The following PPM1J variants were observed in gnomAD, a reference collection of about 807,000 sequenced individuals.
The protein encoded by PPM1J is protein phosphatase, Mg2+/Mn2+ dependent 1J.
PPM1J carries 43 observed loss-of-function variants against 53.3 expected under a neutral mutation model. The observed-to-expected ratio is 0.81, with a 90% CI of 0.63 to 1.04. The LOEUF is 1.04. Ranked by LOEUF, PPM1J falls within the 50% of genes least tolerant of loss-of-function variation. PPM1J has a pLI of 0.00. For missense variants in PPM1J, 635 were observed against 685.9 expected (o/e 0.93, Z 0.83); for synonymous variants, 267 against 286.4 (o/e 0.93, Z 0.68).
chr1:112,712,495 G>A (rs758131268), intron 3 of PPM1J, 38 bp from the exon 4 acceptor site: 4 of 1,571,044 alleles, frequency 2.5e-6, no homozygotes, highest in Non-Finnish European at 3.5e-6. Flanking sequence ...GGTAGAAGGA[G>A]AGGTTCCAGC....
At chr1:112,714,344 C>T (rs919489399) in intron 1 of PPM1J, 36 of 985,414 alleles carry the variant, frequency 3.7e-5, no homozygotes, top group Non-Finnish European at 4.1e-5. Context: ...GGGGGCCAGC[C>T]GGCCGCTCCG....
chr1:112,710,926 T>C (rs1675041127), intron 7 of PPM1J, 75 bp from the exon 8 acceptor site: 2 of 1,583,828 alleles, frequency 1.3e-6, no homozygotes, highest in Middle Eastern at 1.7e-4. Flanking sequence ...CTTCCACCCC[T>C]ACCCTCAGGT....
chr1:112,710,530 T>G lies in PPM1J; in HGVS notation c.1300A>C (p.Thr434Pro). 3 of 1,614,120 alleles carry G rather than the reference T, an allele frequency of 1.9e-6. No individual in the cohort carries two copies. The highest frequency in any genetic ancestry group is 2.2e-5 in the South Asian group (2 of 91,074). Residue 434 changes from threonine (T) to proline (P), a missense_variant, in exon 9 of 10, where the codon ACT (threonine) becomes CCT (proline). Thr to Pro is a conservative substitution (Grantham distance 38). Transcript: ENST00000309276. The part of the protein sequence containing the change: ...VLGTDGLWDV[T>P]TDCEVAATVD... ...GTGGCAGCTACCTCACAGTCAGTAGTGACATCCCACAGGCCATCTGTTCCC... is the reference window on the plus strand; with the variant it reads ...GTGGCAGCTACCTCACAGTCAGTAGGGACATCCCACAGGCCATCTGTTCCC...
chr1:112,715,128 C>A lies in PPM1J; in HGVS notation c.174G>T (p.Ala58=), dbSNP rs765477645. The A allele has an allele frequency of 1.3e-6, 2 of 1,551,496 alleles. No homozygotes were observed. The highest frequency in any genetic ancestry group is 1.9e-5 in the Admixed American group (1 of 53,858). ...AKAGSGSATP[A]KAVEARASFS... ...AGCTCGCTCGAGCCTCAACAGCCTTCGCGGGCGTCGCGCTCCCGCTCCCAG... is the reference window on the plus strand; with the variant it reads ...AGCTCGCTCGAGCCTCAACAGCCTTAGCGGGCGTCGCGCTCCCGCTCCCAG... Residue 58 remains alanine (A), a synonymous_variant, in exon 1 of 10, where the codon GCG becomes GCT. Transcript: ENST00000309276. The surrounding 1 kb of genome is among the most constrained non-coding windows in gnomAD (Gnocchi z 4.4).
rs763653960 is a variant in PPM1J, at chr1:112,711,945, G to A, written c.927+26C>T. 7.8e-6 allele frequency: 12 copies of A among 1,545,750 alleles called. No individual in the cohort carries two copies. The South Asian group carries it at 1.4e-4, about 18-fold the overall frequency. ...AGGCACAAGACCCGACAAAGAATGG[G>A]GGTAGGGAATTTGGTTCCTACTTAC... On this transcript the variant is annotated intron_variant, in intron 5 of 9. Transcript: ENST00000309276.
chr1:112,712,108 T>A, intron 4 of PPM1J, 53 bp from the exon 5 acceptor site: 2 of 1,454,848 alleles, frequency 1.4e-6, no homozygotes, highest in South Asian at 2.5e-5. Flanking sequence ...GACCCACTCA[T>A]GAAAAATTCC....
Position 112,715,305 on chromosome 1 carries a change from G to A in PPM1J, c.-4C>T. 1 of 1,279,744 alleles carries A rather than the reference G, an allele frequency of 7.8e-7. No individual in the cohort carries two copies. The highest frequency in any genetic ancestry group is 9.9e-7 in the Non-Finnish European group (1 of 1,014,606). 79.3% of individuals were successfully genotyped at this position (1,279,744 alleles called of 1,614,324 possible). ...CCGAGCGCACCCGGTTTAGCATGCT[G>A]CCTCCCTGCCCCGCCCTCGGCCGCG... On this transcript the variant is annotated 5_prime_UTR_variant, in exon 1 of 10. Coordinates refer to ENST00000309276, the MANE Select transcript of PPM1J (RefSeq NM_005167.7). This position sits in a 1 kb window ranked among gnomAD's most constrained non-coding sequence, Gnocchi z 4.4.
In PPM1J at chr1:112,710,320, G is replaced by A; in HGVS notation, c.1371-10C>T. The A allele has an allele frequency of 6.2e-7, 1 of 1,612,972 alleles. No individual in the cohort carries two copies. Among genetic ancestry groups the A allele is most frequent in the Non-Finnish European group, 8.5e-7 (1 of 1,179,638 alleles). On this transcript the variant is annotated splice_polypyrimidine_tract_variant and intron_variant, in intron 9 of 9. Coordinates refer to ENST00000309276, the MANE Select transcript of PPM1J (RefSeq NM_005167.7). ...GGCCAGAGCTGTATACCTGCCAGGAGCACACATGCACATTCATGTACCAAC... is the reference window on the plus strand; with the variant it reads ...GGCCAGAGCTGTATACCTGCCAGGAACACACATGCACATTCATGTACCAAC...
intron 1 of PPM1J, chr1:112,714,595 A>C (rs979649254): frequency 1.9e-6 from 2 of 1,033,704 alleles, no homozygotes; most frequent in Non-Finnish European, 2.3e-6. Context: ...TATGTCCCCT[A>C]TTAAAAAGAA....
At chr1:112,712,710 C>G in intron 3 of PPM1J, 34 bp downstream of exon 3, 1 of 1,576,848 alleles carries the variant, frequency 6.3e-7, no homozygotes, top group South Asian at 1.2e-5. Context: ...AGAGTGGTTG[C>G]CTAGCAGGCT....
At chr1:112,714,147 G>C in intron 1 of PPM1J, 2 of 998,514 alleles carry the variant, frequency 2.0e-6, no homozygotes, top group Non-Finnish European at 2.4e-6. Flanking sequence ...AACTGAAATA[G>C]AGTAGAAGTG....
In PPM1J at chr1:112,713,409, T is replaced by C. The variant is rs1570843164; in HGVS notation, c.441+88A>G. 9.0e-6 allele frequency: 8 copies of C among 887,954 alleles called. No homozygotes were observed. The South Asian group carries it at 1.1e-4, about 12-fold the overall frequency. The allele number at this position is 887,954 out of a possible 1,614,324, so 55.0% of individuals were successfully genotyped here. A position where few individuals can be genotyped will look rare whatever the true frequency, so the allele number is the denominator to read the frequency against. On this transcript the variant is annotated intron_variant, in intron 2 of 9. Coordinates refer to ENST00000309276, the MANE Select transcript of PPM1J (RefSeq NM_005167.7). ...GTAGATAGCCAGTGAGTTCATCAGG[T>C]CTTCCGCATGGCTCAGATTTAAAAC...
rs778646001 is a variant in PPM1J, at chr1:112,710,503, C to T, written c.1327G>A (p.Val443Met). 1 of 1,614,148 alleles carries T rather than the reference C, an allele frequency of 6.2e-7. No homozygotes were observed. Among genetic ancestry groups the T allele is most frequent in the Non-Finnish European group, 8.5e-7 (1 of 1,179,994 alleles). ...TCATAGGCCGACAGCACCCTGTCCA[C>T]AGTGGCAGCTACCTCACAGTCAGTA... ...VTTDCEVAAT[V>M]DRVLSAYEPN... Residue 443 changes from valine (V) to methionine (M), a missense_variant, in exon 9 of 10, where the codon GTG becomes ATG. Physicochemically the swap from Val to Met is conservative, Grantham distance 21. Transcript: ENST00000309276.
chr1:112,714,818 G>A, intron 1 of PPM1J, 158 bp downstream of exon 1: 1 of 1,280,602 alleles, frequency 7.8e-7, no homozygotes. Flanking sequence ...GGGTTGGGAG[G>A]GGGTGCGGCC....
At chr1:112,711,116 C>T (rs753243530) in intron 6 of PPM1J, 45 bp from the exon 7 acceptor site, 1 of 1,577,814 alleles carries the variant, frequency 6.3e-7, no homozygotes, top group South Asian at 1.1e-5. Context: ...GCATCAAAGC[C>T]CCTCTCCCCT....
chr1:112,715,206 G>T lies in PPM1J; in HGVS notation c.96C>A (p.Ala32=). 1 of 1,447,396 alleles carries T rather than the reference G, an allele frequency of 6.9e-7. No homozygotes were observed. Among genetic ancestry groups the T allele is most frequent in the Non-Finnish European group, 9.0e-7 (1 of 1,112,954 alleles). The allele number at this position is 1,447,396 out of a possible 1,614,324, so 89.7% of individuals were successfully genotyped here. Residue 32 remains alanine, a synonymous_variant, in exon 1 of 10, where the codon GCC becomes GCA. Coordinates refer to ENST00000309276, the MANE Select transcript of PPM1J (RefSeq NM_005167.7). This position sits in a 1 kb window ranked among gnomAD's most constrained non-coding sequence, Gnocchi z 4.4. The part of the protein sequence containing the change: ...RPKSPDLPNA[A]SAPPAAAPEA... ...CTGGAGCGGCGGCGGGCGGCGCCGA[G>T]GCGGCGTTGGGCAGGTCCGGGGATT...
rs765169509 is a variant in PPM1J at position 112,710,836 on chromosome 1, T to C, written c.1126A>G (p.Thr376Ala). The change falls in exon 8 of 10, where the codon ACC becomes GCC. Residue 376 changes from threonine to alanine, a missense_variant. Coordinates refer to ENST00000309276, the MANE Select transcript of PPM1J (RefSeq NM_005167.7). The part of the protein sequence containing the change: ...GEGKKARVMA[T>A]IGVTRGLGDH... ...CCCAAGCCTCGGGTCACCCCAATGG[T>C]GGCCATCACCCGAGCCTGAAAGAAA... is the stretch of plus-strand genomic sequence containing the variant. 3 of 1,613,744 alleles carry C rather than the reference T, an allele frequency of 1.9e-6. No individual in the cohort carries two copies. In the East Asian group the frequency reaches 6.7e-5, roughly 36 times the overall value.
intron 1 of PPM1J, chr1:112,714,508 G>A: frequency 3.0e-6 from 3 of 988,910 alleles, no homozygotes; most frequent in Non-Finnish European, 3.6e-6. Context: ...TGTGGAGGGG[G>A]AGGGGAACTA....
At position 112,715,223 on chromosome 1, in the gene PPM1J, C is replaced by T. The variant is rs765446734; in HGVS notation, c.79G>A (p.Asp27Asn). Residue 27 changes from aspartate to asparagine, a missense_variant, in exon 1 of 10, where the codon GAC becomes AAC. Transcript: ENST00000309276. The surrounding 1 kb of genome is among the most constrained non-coding windows in gnomAD (Gnocchi z 4.4). The stretch of plus-strand genomic sequence containing the variant: ...GGCGCCGAGGCGGCGTTGGGCAGGT[C>T]CGGGGATTTGGGGCGCGGAGGCGGA... Reference protein sequence around the residue: ...GAPPPRPKSPDLPNAASAPPA... With the variant: ...GAPPPRPKSPNLPNAASAPPA... 18 of 1,404,180 alleles carry T rather than the reference C, an allele frequency of 1.3e-5. No homozygotes were observed. The Admixed American group carries it at 3.5e-4, about 27-fold the overall frequency. The allele number at this position is 1,404,180 out of a possible 1,614,324, so 87.0% of individuals were successfully genotyped here.
Sources: allele counts gnomAD v4.1 joint callset, GRCh38; gene constraint gnomAD v4.1.1; non-coding constraint Gnocchi (gnomAD v3.1); transcripts MANE v1.5; gene names NCBI Gene and HGNC (gene_info 2026-07-23, HGNC 2026-07-21).